MBNL2: variants seen among roughly 807,000 people sequenced by gnomAD.
MBNL2 encodes muscleblind-like protein 2.
A neutral mutation model predicts 41.9 loss-of-function variants in MBNL2; 17 were observed. The observed-to-expected ratio is 0.41, with a 90% CI of 0.28 to 0.61. The LOEUF (loss-of-function observed/expected upper bound fraction) is 0.61. MBNL2 is among the 20% of genes least tolerant of loss of function. MBNL2 has a pLI of 0.35. For synonymous variants in MBNL2, 195 were observed against 182.9 expected (o/e 1.07, Z -0.53); for missense variants, 336 against 505.6 (o/e 0.66, Z 3.22).
intron 2 of MBNL2, among the ~76,000 whole-genome samples, chr13:97,278,979 G>A (rs1594138136): frequency 3.9e-5 from 6 of 152,294 alleles, no homozygotes; most frequent in African/African-American, 1.2e-4. Context: ...AGGATATTCA[G>A]CAGAGAAATT....
At chr13:97,189,153 C>T in the MBNL2 span, among the ~76,000 whole-genome samples, 1 of 152,092 alleles carries the variant, frequency 6.6e-6, no homozygotes, top group Non-Finnish European at 1.5e-5. Flanking sequence ...CTCAGCCTCC[C>T]AAAATTCTGG....
chr13:97,331,766 C>A (rs1368346377), intron 2 of MBNL2, among the ~76,000 whole-genome samples: 1 of 152,138 alleles, frequency 6.6e-6, no homozygotes, highest in Non-Finnish European at 1.5e-5. Context: ...CAATAACATT[C>A]TTTACTCCAA....
the MBNL2 span, among the ~76,000 whole-genome samples, chr13:97,163,622 A>G: frequency 6.6e-6 from 1 of 152,194 alleles, no homozygotes; most frequent in Non-Finnish European, 1.5e-5. Context: ...GTTTACCTGA[A>G]TACCCACTGG....
intron 1 of MBNL2, among the ~76,000 whole-genome samples, chr13:97,237,832 T>G (rs932009316): frequency 2.0e-5 from 3 of 152,162 alleles, no homozygotes; most frequent in Non-Finnish European, 4.4e-5. Flanking sequence ...TTTAGAGAGA[T>G]AATTCCGTGA....
the MBNL2 span, among the ~76,000 whole-genome samples, chr13:97,212,892 G>C: frequency 6.6e-6 from 1 of 152,152 alleles, no homozygotes. Flanking sequence ...ATTTAGACAG[G>C]GTTAAGCTTT....
the MBNL2 span, among the ~76,000 whole-genome samples, chr13:97,162,473 T>C: frequency 1.3e-5 from 2 of 152,348 alleles, no homozygotes; most frequent in Non-Finnish European, 2.9e-5. Context: ...TATTTTTCTA[T>C]TTCACACCTG....
At chr13:97,199,360 T>C in the MBNL2 span, among the ~76,000 whole-genome samples, 5 of 152,136 alleles carry the variant, frequency 3.3e-5, no homozygotes, top group Non-Finnish European at 7.3e-5. Flanking sequence ...TCATGTATTA[T>C]ATACACACTC....
chr13:97,316,414 A>G (rs1432606710), intron 2 of MBNL2, among the ~76,000 whole-genome samples: 1 of 151,766 alleles, frequency 6.6e-6, no homozygotes, highest in East Asian at 1.9e-4. Context: ...AGATCACATC[A>G]CTCCTCCCCT....
intron 1 of MBNL2, among the ~76,000 whole-genome samples, chr13:97,260,219 C>T (rs532921771): frequency 2.0e-5 from 3 of 152,102 alleles, no homozygotes; most frequent in Non-Finnish European, 2.9e-5. Context: ...GAGGGAACAG[C>T]GAGGTCAAAG....
At chr13:97,168,736 T>C in the MBNL2 span, among the ~76,000 whole-genome samples, 1 of 152,248 alleles carries the variant, frequency 6.6e-6, no homozygotes, top group South Asian at 2.1e-4. Context: ...CCCAATTTTC[T>C]ATCTGCATTT....
At chr13:97,261,468 C>A (rs1346144059) in intron 1 of MBNL2, among the ~76,000 whole-genome samples, 1 of 152,166 alleles carries the variant, frequency 6.6e-6, no homozygotes, top group Admixed American at 6.5e-5. Flanking sequence ...TAAATTGTCC[C>A]ATCTCCAAGA....
chr13:97,175,608 T>C, the MBNL2 span, among the ~76,000 whole-genome samples: 1 of 152,164 alleles, frequency 6.6e-6, no homozygotes, highest in African/African-American at 2.4e-5. Context: ...AGTGTGATGA[T>C]TCCAGATAAT....
chr13:97,179,736 G>A, the MBNL2 span: 12 of 152,144 alleles, frequency 7.9e-5, no homozygotes, highest in Admixed American at 2.6e-4. Flanking sequence ...AATCCAGTTC[G>A]TGCTTGTCCC....
chr13:97,299,799 TA>T (rs2057436401), intron 2 of MBNL2, among the ~76,000 whole-genome samples: 1 of 152,170 alleles, frequency 6.6e-6, no homozygotes, highest in Non-Finnish European at 1.5e-5. Flanking sequence ...CTTTTTTACT[TA>T]AAAAACATTC....
intron 5 of MBNL2, among the ~76,000 whole-genome samples, chr13:97,353,425 G>A (rs528932204): frequency 6.6e-6 from 1 of 152,124 alleles, no homozygotes; most frequent in Non-Finnish European, 1.5e-5. Context: ...TATTTAAAAG[G>A]ACAAACAGGA....
At chr13:97,154,716 T>C in the MBNL2 span, among the ~76,000 whole-genome samples, 1 of 152,164 alleles carries the variant, frequency 6.6e-6, no homozygotes, top group Non-Finnish European at 1.5e-5. Flanking sequence ...TTACTCTGCC[T>C]TTATCCCTCA....
intron 8 of MBNL2, among the ~76,000 whole-genome samples, chr13:97,371,061 A>G (rs2064326990): frequency 6.6e-6 from 1 of 152,234 alleles, no homozygotes. Flanking sequence ...CTGCTTTTTC[A>G]TATGAAAATA....
At chr13:97,270,919 C>T (rs976081021) in intron 1 of MBNL2, among the ~76,000 whole-genome samples, 2 of 152,060 alleles carry the variant, frequency 1.3e-5, no homozygotes, top group Middle Eastern at 3.2e-3. Context: ...GTACAGGTGC[C>T]TATGCTAACA....
intron 1 of MBNL2, among the ~76,000 whole-genome samples, chr13:97,242,163 T>C (rs2044423463): frequency 6.6e-6 from 1 of 152,264 alleles, no homozygotes; most frequent in Non-Finnish European, 1.5e-5. Context: ...AACACACTCC[T>C]AGACCTCCAG....
Sources: allele counts gnomAD v4.1 joint callset (sites outside exome capture counted in the v4.1 genomes callset), GRCh38; gene constraint gnomAD v4.1.1; transcripts MANE v1.5; gene names NCBI Gene and HGNC (gene_info 2026-07-23, HGNC 2026-07-21).